The following FAM184A variants were observed in gnomAD, a reference collection of about 807,000 sequenced individuals.
The protein encoded by FAM184A is protein FAM184A.
A neutral mutation model predicts 143.8 loss-of-function variants in FAM184A; 99 were observed. The ratio of observed to expected loss-of-function variants is 0.69; its 90% CI spans 0.58 to 0.81. The LOEUF is 0.81. Among genes scored for constraint, FAM184A ranks in the 40% least tolerant of loss-of-function variants. The probability of loss-of-function intolerance (pLI) is 0.00; values close to 1 mark genes in which losing one functional copy is unlikely to be tolerated. For synonymous variants in FAM184A, 427 were observed against 446.4 expected (o/e 0.96, Z 0.55); for missense variants, 1,217 against 1,310.5 (o/e 0.93, Z 1.10).
At chr6:119,143,166 G>T (rs529997190) in intron 1 of FAM184A, among the ~76,000 whole-genome samples, 1 of 152,294 alleles carries the variant, frequency 6.6e-6, no homozygotes, top group East Asian at 1.9e-4. Flanking sequence ...CTTTGTTGAG[G>T]CATCTCTAGG....
chr6:119,097,396 G>T lies in FAM184A; in HGVS notation c.-202+51682C>A, dbSNP rs562972008. On this transcript the variant is annotated intron_variant, in intron 1 of 16. Transcript: ENST00000352896. ...TCACAAACACATGCTTGTAAAGCAA[G>T]TTTTATGCAACAGAATGAATATTCA... Among the ~76,000 whole-genome samples, 9 of 152,256 alleles carry T rather than the reference G, an allele frequency of 5.9e-5. No individual in the cohort carries two copies. In the South Asian group the frequency reaches 1.9e-3, roughly 32 times the overall value.
At chr6:119,088,599 T>G (rs575743014) in intron 1 of FAM184A, among the ~76,000 whole-genome samples, 1 of 152,306 alleles carries the variant, frequency 6.6e-6, no homozygotes, top group East Asian at 1.9e-4. Flanking sequence ...GTACTAAAGA[T>G]CTACAAAAAC....
intron 1 of FAM184A, among the ~76,000 whole-genome samples, chr6:119,063,731 T>C (rs1370119613): frequency 2.6e-5 from 4 of 152,078 alleles, no homozygotes; most frequent in Non-Finnish European, 5.9e-5. Flanking sequence ...CTGTTATTAA[T>C]TAGACTCAGT....
chr6:119,042,173 C>T (rs1472616725), intron 1 of FAM184A, among the ~76,000 whole-genome samples: 2 of 152,076 alleles, frequency 1.3e-5, no homozygotes, highest in African/African-American at 2.4e-5. Context: ...AACCCAGAAC[C>T]GGGGGTACAT....
At chr6:119,040,024 C>A (rs1025514660) in intron 1 of FAM184A, among the ~76,000 whole-genome samples, 1 of 152,182 alleles carries the variant, frequency 6.6e-6, no homozygotes, top group Non-Finnish European at 1.5e-5. Flanking sequence ...AAAAGGTGAG[C>A]CTATAAAAGT....
At chr6:119,104,811 C>T (rs1582619756) in intron 1 of FAM184A, among the ~76,000 whole-genome samples, 1 of 152,088 alleles carries the variant, frequency 6.6e-6, no homozygotes, top group East Asian at 1.9e-4. Context: ...AAGCTACTAC[C>T]CAATACTACC....
intron 1 of FAM184A, among the ~76,000 whole-genome samples, chr6:119,141,021 C>T (rs1772215658): frequency 6.6e-6 from 1 of 152,198 alleles, no homozygotes; most frequent in Non-Finnish European, 1.5e-5. Flanking sequence ...GAAGCCAAGG[C>T]TACTTTATAT....
At chr6:118,972,391 G>C (rs1783722564) in intron 14 of FAM184A, among the ~76,000 whole-genome samples, 1 of 152,198 alleles carries the variant, frequency 6.6e-6, no homozygotes, top group Admixed American at 6.5e-5. Context: ...CTATTGGACA[G>C]TGTTGGTCAA....
intron 9 of FAM184A, among the ~76,000 whole-genome samples, chr6:118,982,233 G>C (rs1440864531): frequency 6.6e-6 from 1 of 152,102 alleles, no homozygotes; most frequent in Non-Finnish European, 1.5e-5. Context: ...AACAAAAATA[G>C]ACATTTGTGA....
chr6:119,092,463 T>C (rs1464044497), intron 1 of FAM184A, among the ~76,000 whole-genome samples: 2 of 152,198 alleles, frequency 1.3e-5, no homozygotes, highest in African/African-American at 4.8e-5. Flanking sequence ...TGACATATAA[T>C]TGTACACATT....
At chr6:118,998,017 C>T (rs1784625631) in intron 9 of FAM184A, among the ~76,000 whole-genome samples, 1 of 152,140 alleles carries the variant, frequency 6.6e-6, no homozygotes, top group African/African-American at 2.4e-5. Flanking sequence ...ATTGCCCTTT[C>T]CTACTGAGTA....
chr6:119,136,220 G>A lies in FAM184A; in HGVS notation c.-202+12858C>T, dbSNP rs550121512. Among the ~76,000 whole-genome samples, 20 of 145,402 alleles carry A rather than the reference G, an allele frequency of 1.4e-4. No homozygotes were observed. In the East Asian group the frequency reaches 4.2e-3, roughly 30 times the overall value. The stretch of plus-strand genomic sequence containing the variant: ...GTGAACCCGGGAAGCGGAGCTTGCA[G>A]TGAGCCGAGATTGCGCCACTGCAGT... On this transcript the variant is annotated intron_variant, in intron 1 of 16. Coordinates refer to the FAM184A transcript ENST00000352896.
At chr6:119,058,153 T>G (rs1787072857) in intron 1 of FAM184A, among the ~76,000 whole-genome samples, 1 of 150,232 alleles carries the variant, frequency 6.7e-6, no homozygotes, top group Non-Finnish European at 1.5e-5. Flanking sequence ...CATCAAGAAG[T>G]AGAGTCCAAT....
chr6:119,114,780 A>G lies in FAM184A; in HGVS notation c.-202+34298T>C, dbSNP rs554704194. 8.1e-4 allele frequency among the ~76,000 whole-genome samples: 124 copies of G among 152,242 alleles called. No individual in the cohort carries two copies. In the South Asian group the frequency reaches 0.013, roughly 16 times the overall value. On this transcript the variant is annotated intron_variant, in intron 1 of 16. Transcript: ENST00000352896. ...TGGTCTTGAATGCCTGGGATCAAGCATTGGCCTCCCAAAATGCTAGGATGG... is the reference window on the plus strand; with the variant it reads ...TGGTCTTGAATGCCTGGGATCAAGCGTTGGCCTCCCAAAATGCTAGGATGG...
intron 1 of FAM184A, among the ~76,000 whole-genome samples, chr6:119,143,820 A>C (rs184250841): frequency 6.6e-6 from 1 of 152,346 alleles, no homozygotes; most frequent in Admixed American, 6.5e-5. Flanking sequence ...TTTTGTAAGA[A>C]GAAAGAGTAC....
At chr6:119,045,220 G>A (rs1226531077) in intron 1 of FAM184A, among the ~76,000 whole-genome samples, 1 of 150,862 alleles carries the variant, frequency 6.6e-6, no homozygotes, top group Non-Finnish European at 1.5e-5. Context: ...CTGGTATATT[G>A]ATAAAAATAA....
chr6:119,030,573 T>A (rs1264900917), intron 1 of FAM184A, among the ~76,000 whole-genome samples: 2 of 152,030 alleles, frequency 1.3e-5, no homozygotes, highest in Non-Finnish European at 2.9e-5. Context: ...GCACCATTGA[T>A]ATAAGATCAA....
At chr6:119,055,294 T>C (rs1045343914) in intron 1 of FAM184A, among the ~76,000 whole-genome samples, 6 of 152,250 alleles carry the variant, frequency 3.9e-5, no homozygotes, top group African/African-American at 4.8e-5. Context: ...CATTCATCAG[T>C]TGATGTAACA....
At chr6:119,021,110 T>C (rs578071383) in intron 3 of FAM184A, among the ~76,000 whole-genome samples, 1 of 152,152 alleles carries the variant, frequency 6.6e-6, no homozygotes, top group Non-Finnish European at 1.5e-5. Context: ...ACCCCAGACC[T>C]AAAAGTGAAT....
Sources: allele counts gnomAD v4.1 joint callset (sites outside exome capture counted in the v4.1 genomes callset), GRCh38; gene constraint gnomAD v4.1.1; transcripts MANE v1.5; gene names NCBI Gene and HGNC (gene_info 2026-07-23, HGNC 2026-07-21).